The following SLC25A13 variants were observed in gnomAD, a reference collection of about 807,000 sequenced individuals.
The protein encoded by SLC25A13 is solute carrier family 25 member 13.
In SLC25A13, 70 loss-of-function variants were observed where a neutral mutation model predicts 85.5. The ratio of observed to expected loss-of-function variants is 0.82; its 90% confidence interval spans 0.68 to 1.00. The LOEUF (loss-of-function observed/expected upper bound fraction) is 1.00. Ranked by LOEUF, SLC25A13 falls within the 50% of genes least tolerant of loss-of-function variation. The probability of loss-of-function intolerance (pLI) is 0.00; values close to 1 mark genes in which losing one functional copy is unlikely to be tolerated. For synonymous variants in SLC25A13, 259 were observed against 288.7 expected (o/e 0.90, Z 1.04); for missense variants, 765 against 819.8 (o/e 0.93, Z 0.82).
intron 3 of SLC25A13, among the ~76,000 whole-genome samples, chr7:96,240,092 C>A (rs181623747): frequency 2.0e-5 from 3 of 152,172 alleles, no homozygotes; most frequent in Non-Finnish European, 2.9e-5. Flanking sequence ...CTCCTCCCCC[C>A]AGCTTTGCAA....
intron 4 of SLC25A13, among the ~76,000 whole-genome samples, chr7:96,213,459 G>T (rs1463192997): frequency 2.0e-5 from 3 of 152,138 alleles, no homozygotes; most frequent in African/African-American, 7.2e-5. Context: ...TTCAAGCCCA[G>T]TTCTACTCTA....
intron 5 of SLC25A13, among the ~76,000 whole-genome samples, chr7:96,200,802 T>C (rs1004414455): frequency 2.6e-5 from 4 of 152,186 alleles, no homozygotes; most frequent in Non-Finnish European, 5.9e-5. Context: ...TTTACCAGGA[T>C]GCTACTGTAA....
At chr7:96,150,827 AT>A (rs912472251) in intron 13 of SLC25A13, among the ~76,000 whole-genome samples, 1 of 152,040 alleles carries the variant, frequency 6.6e-6, no homozygotes, top group Non-Finnish European at 1.5e-5. Context: ...AGTTTGTGGT[AT>A]TTTGTTTTGG....
chr7:96,319,203 T>C (rs754538687), intron 1 of SLC25A13, among the ~76,000 whole-genome samples: 5 of 152,130 alleles, frequency 3.3e-5, no homozygotes, highest in Non-Finnish European at 5.9e-5. Flanking sequence ...CCCACAGACA[T>C]ATATCTGTGG....
intron 1 of SLC25A13, among the ~76,000 whole-genome samples, chr7:96,317,132 G>T (rs909597110): frequency 1.3e-5 from 2 of 152,008 alleles, no homozygotes; most frequent in African/African-American, 2.4e-5. Flanking sequence ...CACTATGCCC[G>T]GCTAATTGTT....
At chr7:96,306,623 G>C (rs1799753224) in intron 1 of SLC25A13, among the ~76,000 whole-genome samples, 1 of 152,174 alleles carries the variant, frequency 6.6e-6, no homozygotes, top group African/African-American at 2.4e-5. Context: ...GCAACTGCAG[G>C]ATGGAGACTG....
intron 2 of SLC25A13, among the ~76,000 whole-genome samples, chr7:96,296,628 G>A (rs531718894): frequency 6.1e-4 from 92 of 152,040 alleles, no homozygotes; most frequent in Non-Finnish European, 9.7e-4. Context: ...TTACAGGCAC[G>A]TGCCACCACA....
At chr7:96,307,876 G>A (rs542886346) in intron 1 of SLC25A13, among the ~76,000 whole-genome samples, 3 of 152,176 alleles carry the variant, frequency 2.0e-5, no homozygotes, top group Non-Finnish European at 4.4e-5. Flanking sequence ...CTGCGGCCGG[G>A]CGCAGTGGCT....
At chr7:96,203,744 A>G (rs920869298) in intron 5 of SLC25A13, among the ~76,000 whole-genome samples, 1 of 152,234 alleles carries the variant, frequency 6.6e-6, no homozygotes, top group African/African-American at 2.4e-5. Flanking sequence ...ATAGATACCC[A>G]AGATTATAAA....
At chr7:96,150,144 T>TA (rs1379795194) in intron 13 of SLC25A13, among the ~76,000 whole-genome samples, 1 of 151,840 alleles carries the variant, frequency 6.6e-6, no homozygotes, top group Non-Finnish European at 1.5e-5. Context: ...ATTGAAATCT[T>TA]AGTTATCATC....
At chr7:96,243,422 C>G (rs1797066050) in intron 3 of SLC25A13, among the ~76,000 whole-genome samples, 1 of 152,156 alleles carries the variant, frequency 6.6e-6, no homozygotes, top group Admixed American at 6.5e-5. Context: ...CACATGCATA[C>G]ATAAAAATTC....
intron 13 of SLC25A13, among the ~76,000 whole-genome samples, chr7:96,163,337 A>C (rs1160589442): frequency 6.6e-6 from 1 of 152,168 alleles, no homozygotes; most frequent in Non-Finnish European, 1.5e-5. Context: ...GGTGCTCTGG[A>C]GCACAGCCCC....
intron 3 of SLC25A13, among the ~76,000 whole-genome samples, chr7:96,270,887 G>C (rs535382453): frequency 6.6e-6 from 1 of 152,076 alleles, no homozygotes; most frequent in Non-Finnish European, 1.5e-5. Context: ...GGTGACTCCA[G>C]GCATTCCTCG....
intron 4 of SLC25A13, among the ~76,000 whole-genome samples, chr7:96,221,146 G>A (rs1014556972): frequency 4.6e-5 from 7 of 152,194 alleles, no homozygotes; most frequent in Non-Finnish European, 8.8e-5. Context: ...GTGCAAATCC[G>A]TATTTAGCTT....
At chr7:96,151,783 A>C (rs1793060071) in intron 13 of SLC25A13, among the ~76,000 whole-genome samples, 1 of 150,374 alleles carries the variant, frequency 6.7e-6, no homozygotes, top group South Asian at 2.1e-4. Context: ...TCTCTACTAA[A>C]AATACAAAAA....
chr7:96,263,232 C>T (rs1797925215), intron 3 of SLC25A13, among the ~76,000 whole-genome samples: 2 of 152,062 alleles, frequency 1.3e-5, no homozygotes, highest in Non-Finnish European at 2.9e-5. Flanking sequence ...ACCAACAGTC[C>T]CGGACACCCA....
At chr7:96,248,662 G>T (rs73710260) in intron 3 of SLC25A13, among the ~76,000 whole-genome samples, 1,886 of 152,272 alleles carry the variant, frequency 0.012, 39 homozygotes, top group African/African-American at 0.043. Flanking sequence ...TCAGTCTGGG[G>T]GCTGGGAAGT....
rs945955614 is a variant in SLC25A13 at position 96,285,516 on chromosome 7, C to T, written c.70-8178G>A. Among the ~76,000 whole-genome samples the T allele has an allele frequency of 2.0e-5, 3 of 152,118 alleles. No homozygotes were observed. The South Asian group carries it at 6.2e-4, about 32-fold the overall frequency. ...ACTCATCTCCAGGCCTTCCCTCAAA[C>T]GTGTTCCTTGTCGCCTCTCCAACTT... is the stretch of plus-strand genomic sequence containing the variant. On this transcript the variant is annotated intron_variant, in intron 2 of 17. Coordinates refer to ENST00000265631, the MANE Select transcript of SLC25A13 (RefSeq NM_014251.3).
rs563761004 is a variant in SLC25A13, at chr7:96,205,154, C to T, written c.468+3684G>A. ...CGAACTCCTGACCTCATGATCCACCCGCCTCGGCCTCCCAAAGTACTGGGA... is the reference window on the plus strand; with the variant it reads ...CGAACTCCTGACCTCATGATCCACCTGCCTCGGCCTCCCAAAGTACTGGGA... On this transcript the variant is annotated intron_variant, in intron 5 of 17. Coordinates refer to ENST00000265631, the MANE Select transcript of SLC25A13 (RefSeq NM_014251.3). 2.3e-3 allele frequency among the ~76,000 whole-genome samples: 356 copies of T among 152,240 alleles called. 2 individuals carry two copies. The highest frequency in any genetic ancestry group is 2.9e-3 in the East Asian group (15 of 5,170).
Sources: allele counts gnomAD v4.1 joint callset (sites outside exome capture counted in the v4.1 genomes callset), GRCh38; gene constraint gnomAD v4.1.1; transcripts MANE v1.5; gene names NCBI Gene and HGNC (gene_info 2026-07-23, HGNC 2026-07-21).